The following PEBP4 variants were observed in gnomAD, a reference collection of about 807,000 sequenced individuals.
The protein encoded by PEBP4 is phosphatidylethanolamine binding protein 4.
PEBP4 carries 22 observed loss-of-function variants against 23.9 expected under a neutral mutation model. That is an observed-to-expected ratio of 0.92 (90% confidence interval 0.66 to 1.31). The LOEUF is 1.31. PEBP4 is among the 40% of genes most tolerant of loss of function. PEBP4 has a pLI of 0.00. For synonymous variants in PEBP4, 112 were observed against 99.3 expected (o/e 1.13, Z -0.76); for missense variants, 324 against 281.7 (o/e 1.15, Z -1.07).
At chr8:22,911,759 C>T (rs1009614) in intron 3 of PEBP4, among the ~76,000 whole-genome samples, 44,384 of 152,144 alleles carry the variant, frequency 0.29, 6,493 homozygotes, top group African/African-American at 0.32. Context: ...CCTACACTGA[C>T]GCTTGTTCAA....
chr8:22,888,012 G>T (rs760593643), intron 3 of PEBP4: 1 of 152,058 alleles, frequency 6.6e-6, no homozygotes, highest in African/African-American at 2.4e-5. Context: ...GGGAGTGAGT[G>T]CTCTCATTTT....
chr8:22,775,321 G>A lies in PEBP4; in HGVS notation c.357+42316C>T, dbSNP rs895589806. 2.0e-5 allele frequency among the ~76,000 whole-genome samples: 3 copies of A among 152,214 alleles called. No homozygotes were observed. Among genetic ancestry groups the A allele is most frequent in the Non-Finnish European group, 1.5e-5 (1 of 68,036 alleles). On this transcript the variant is annotated intron_variant, in intron 4 of 6. Coordinates refer to ENST00000256404, the MANE Select transcript of PEBP4 (RefSeq NM_144962.3). This position sits in a 1 kb window ranked among gnomAD's most constrained non-coding sequence, Gnocchi z 4.8. Reference sequence around the variant, plus strand: ...TCCTGAGGTGGGCAATGGGAAGGCCGTCAGGGCCCGTCTGCCAGGGAGAAG... The same window carrying A: ...TCCTGAGGTGGGCAATGGGAAGGCCATCAGGGCCCGTCTGCCAGGGAGAAG...
intron 4 of PEBP4, among the ~76,000 whole-genome samples, chr8:22,802,619 G>A (rs576341659): frequency 6.6e-6 from 1 of 152,356 alleles, no homozygotes; most frequent in African/African-American, 2.4e-5. Context: ...GCTTCAGTGA[G>A]TGACTTACCT....
At chr8:22,789,408 G>C (rs1389182754) in intron 4 of PEBP4, among the ~76,000 whole-genome samples, 1 of 152,084 alleles carries the variant, frequency 6.6e-6, no homozygotes, top group Non-Finnish European at 1.5e-5. Context: ...ATGGGGGTGG[G>C]TGCCAGCCTG....
At chr8:22,747,022 C>G (rs540952901) in intron 4 of PEBP4, among the ~76,000 whole-genome samples, 2 of 151,908 alleles carry the variant, frequency 1.3e-5, no homozygotes, top group South Asian at 4.1e-4. Flanking sequence ...TTTTTAGAGA[C>G]GGGGGTCTCA....
chr8:22,784,812 C>T (rs763665568), intron 4 of PEBP4, among the ~76,000 whole-genome samples: 5 of 152,178 alleles, frequency 3.3e-5, no homozygotes, highest in African/African-American at 7.2e-5. Context: ...ATTCACTCGC[C>T]GCTTTGGGGA....
At chr8:22,772,028 G>A (rs981567899) in intron 4 of PEBP4, among the ~76,000 whole-genome samples, 9 of 152,128 alleles carry the variant, frequency 5.9e-5, no homozygotes, top group African/African-American at 2.2e-4. Context: ...TCTACCACTG[G>A]TTCACCCTTG....
chr8:22,755,320 C>T lies in PEBP4; in HGVS notation c.358-28100G>A, dbSNP rs142154893. 1.4e-3 allele frequency among the ~76,000 whole-genome samples: 200 copies of T among 147,760 alleles called. 1 individual carries two copies. Among genetic ancestry groups the T allele is most frequent in the African/African-American group, 4.8e-3 (193 of 40,344 alleles). ...GGGCCAAAATCGTATACTCATTTCT[C>T]TCCCTCTTTTTTTTTTTTTTTTTTT... On this transcript the variant is annotated intron_variant, in intron 4 of 6. Coordinates refer to ENST00000256404, the MANE Select transcript of PEBP4 (RefSeq NM_144962.3).
chr8:22,924,959 A>G (rs1208231953), intron 2 of PEBP4: 1 of 985,196 alleles, frequency 1.0e-6, no homozygotes, highest in African/African-American at 1.7e-5. Context: ...TCCAATCTTT[A>G]AGAGTTCCCT....
chr8:22,799,917 T>C (rs1806347348), intron 4 of PEBP4, among the ~76,000 whole-genome samples: 1 of 152,238 alleles, frequency 6.6e-6, no homozygotes, highest in Admixed American at 6.5e-5. Context: ...ATGTTTATTG[T>C]GGCACTATTC....
upstream of PEBP4, among the ~76,000 whole-genome samples, chr8:22,931,194 A>T (rs956927250): frequency 2.0e-5 from 3 of 152,110 alleles, no homozygotes; most frequent in Admixed American, 6.6e-5. Context: ...TAGTGAACAA[A>T]TTCCCCTGAA....
At chr8:22,747,847 G>A (rs987462261) in intron 4 of PEBP4, among the ~76,000 whole-genome samples, 1 of 152,190 alleles carries the variant, frequency 6.6e-6, no homozygotes, top group Non-Finnish European at 1.5e-5. Flanking sequence ...AGAGGCCCCG[G>A]GGGCTTTCTC....
chr8:22,764,788 C>A (rs1329079466), intron 4 of PEBP4, among the ~76,000 whole-genome samples: 1 of 151,892 alleles, frequency 6.6e-6, no homozygotes, highest in East Asian at 1.9e-4. Context: ...TAGAGTGGGA[C>A]AAACATTGGT....
At position 22,865,501 on chromosome 8, in the gene PEBP4, G is replaced by T. The variant is rs960286031; in HGVS notation, c.259-47766C>A. Among the ~76,000 whole-genome samples, 9 of 152,044 alleles carry T rather than the reference G, an allele frequency of 5.9e-5. No homozygotes were observed. The highest frequency in any genetic ancestry group is 1.7e-4 in the African/African-American group (7 of 41,502). On this transcript the variant is annotated intron_variant, in intron 3 of 6. Coordinates refer to ENST00000256404, the MANE Select transcript of PEBP4 (RefSeq NM_144962.3). This position sits in a 1 kb window ranked among gnomAD's most constrained non-coding sequence, Gnocchi z 6.9. ...GCCACCGCCCCCCCGGCCGCGCAGC[G>T]AGAAGGAGCCTCGGGGAAGAGCTAA...
chr8:22,788,167 G>C (rs1806065347), intron 4 of PEBP4, among the ~76,000 whole-genome samples: 2 of 152,132 alleles, frequency 1.3e-5, no homozygotes, highest in Non-Finnish European at 2.9e-5. Context: ...TGTTGAGAAG[G>C]ACTGGCCAAA....
At chr8:22,820,415 G>A (rs1339683565) in intron 3 of PEBP4, among the ~76,000 whole-genome samples, 1 of 152,116 alleles carries the variant, frequency 6.6e-6, no homozygotes, top group Non-Finnish European at 1.5e-5. Flanking sequence ...AGAAGGAAGT[G>A]AGAGAGGAAA....
intron 3 of PEBP4, among the ~76,000 whole-genome samples, chr8:22,833,063 A>G (rs1807120326): frequency 6.6e-6 from 1 of 152,024 alleles, no homozygotes; most frequent in African/African-American, 2.4e-5. Context: ...TCTAGCAAAA[A>G]CCACAATAAA....
At chr8:22,811,557 G>T (rs1806628588) in intron 4 of PEBP4, among the ~76,000 whole-genome samples, 1 of 152,238 alleles carries the variant, frequency 6.6e-6, no homozygotes, top group Non-Finnish European at 1.5e-5. Flanking sequence ...AAATGTTGGA[G>T]AGGAAGGGGC....
At chr8:22,905,225 C>T (rs769971520) in intron 3 of PEBP4, among the ~76,000 whole-genome samples, 2 of 151,600 alleles carry the variant, frequency 1.3e-5, no homozygotes, top group African/African-American at 2.4e-5. Context: ...ATGGAACTTC[C>T]CCCATATTTT....
Sources: gnomAD v4.1 joint callset for allele counts (sites outside exome capture counted in the v4.1 genomes callset) on GRCh38, gnomAD v4.1.1 for gene constraint, Gnocchi (gnomAD v3.1) non-coding constraint, MANE v1.5 for transcripts, NCBI Gene and HGNC (gene_info 2026-07-23, HGNC 2026-07-21) for gene names.